The following NHSL1 variants were observed in gnomAD, a reference collection of about 807,000 sequenced individuals.
The protein encoded by NHSL1 is NHS-like protein 1.
Under a neutral mutation model 95.0 loss-of-function variants are expected in NHSL1, and 48 were observed. That is an observed-to-expected ratio of 0.51 (90% CI 0.40 to 0.64). The LOEUF (loss-of-function observed/expected upper bound fraction) is 0.64. NHSL1 is among the 30% of genes least tolerant of loss of function. The pLI, the probability that NHSL1 is intolerant of heterozygous loss-of-function variation, is 0.00. For missense variants in NHSL1, 1,971 were observed against 2,077.7 expected (o/e 0.95, Z 1.00); for synonymous variants, 783 against 833.9 (o/e 0.94, Z 1.05).
At chr6:138,506,014 A>G (rs1780946073) in intron 1 of NHSL1, among the ~76,000 whole-genome samples, 1 of 152,212 alleles carries the variant, frequency 6.6e-6, no homozygotes, top group Non-Finnish European at 1.5e-5. Flanking sequence ...CTATAGACAC[A>G]CCCATTCATT....
chr6:138,528,054 G>A (rs1046772715), intron 1 of NHSL1, among the ~76,000 whole-genome samples: 5 of 152,136 alleles, frequency 3.3e-5, no homozygotes, highest in Non-Finnish European at 5.9e-5. Context: ...TCCATATTTT[G>A]TAGTGTACTG....
intron 1 of NHSL1, among the ~76,000 whole-genome samples, chr6:138,620,278 T>C (rs1396112532): frequency 6.6e-6 from 1 of 152,108 alleles, no homozygotes; most frequent in Non-Finnish European, 1.5e-5. Flanking sequence ...CTGAAACAAT[T>C]TGTCAACAGA....
chr6:138,544,925 T>C (rs1782722673), intron 1 of NHSL1, among the ~76,000 whole-genome samples: 1 of 151,812 alleles, frequency 6.6e-6, no homozygotes. Context: ...CATCTTATAG[T>C]ACTTAGGAAG....
At chr6:138,569,308 A>T (rs1783737752) in intron 1 of NHSL1, among the ~76,000 whole-genome samples, 1 of 151,620 alleles carries the variant, frequency 6.6e-6, no homozygotes, top group African/African-American at 2.4e-5. Flanking sequence ...AGAGAAAAAG[A>T]GAGAGAGCGA....
At chr6:138,628,311 C>CA (rs929458331) in intron 1 of NHSL1, among the ~76,000 whole-genome samples, 102 of 111,402 alleles carry the variant, frequency 9.2e-4, no homozygotes, top group Middle Eastern at 0.011. Flanking sequence ...AACTCCATCT[C>CA]AAAAAAAAAA....
At chr6:138,663,992 T>C (rs537716112) in intron 1 of NHSL1, among the ~76,000 whole-genome samples, 50 of 152,358 alleles carry the variant, frequency 3.3e-4, no homozygotes, top group Non-Finnish European at 3.8e-4. Flanking sequence ...GAAATGTCTC[T>C]GAAATATTTT....
At chr6:138,671,106 G>T (rs1349225939) in intron 1 of NHSL1, among the ~76,000 whole-genome samples, 1 of 152,110 alleles carries the variant, frequency 6.6e-6, no homozygotes, top group Non-Finnish European at 1.5e-5. Flanking sequence ...AGTGCGCTAT[G>T]AACACGCCAC....
intron 1 of NHSL1, among the ~76,000 whole-genome samples, chr6:138,505,056 A>T (rs1216304597): frequency 6.6e-6 from 1 of 152,108 alleles, no homozygotes; most frequent in Non-Finnish European, 1.5e-5. Flanking sequence ...TATATGTCTA[A>T]ACCTAAAAGC....
chr6:138,615,250 G>T (rs149592518), intron 1 of NHSL1, among the ~76,000 whole-genome samples: 131 of 152,284 alleles, frequency 8.6e-4, no homozygotes, highest in African/African-American at 3.1e-3. Flanking sequence ...AAATTTTGTT[G>T]TTGCTTGTTC....
chr6:138,544,898 T>C (rs1314873275), intron 1 of NHSL1, among the ~76,000 whole-genome samples: 1 of 151,754 alleles, frequency 6.6e-6, no homozygotes, highest in Non-Finnish European at 1.5e-5. Flanking sequence ...AATGACGACA[T>C]ATACTCATAT....
chr6:138,489,825 GGAGA>G (rs1252989861), intron 2 of NHSL1, among the ~76,000 whole-genome samples: 5 of 76,210 alleles, frequency 6.6e-5, no homozygotes, highest in South Asian at 4.5e-4. Context: ...AGGGAGAGAG[GGAGA>G]GAGAGAGAGA....
upstream of NHSL1, among the ~76,000 whole-genome samples, chr6:138,502,190 T>C (rs559656701): frequency 1.5e-4 from 23 of 152,326 alleles, no homozygotes; most frequent in South Asian, 3.9e-3. Context: ...ATAAACCAAA[T>C]AAACTATCAC....
chr6:138,586,186 C>T (rs750108797), intron 1 of NHSL1, among the ~76,000 whole-genome samples: 3 of 151,946 alleles, frequency 2.0e-5, no homozygotes, highest in South Asian at 2.1e-4. Flanking sequence ...CCTCCACTAT[C>T]CAGGTTCAAG....
At chr6:138,454,183 A>ATG (rs1326113897) in intron 3 of NHSL1, among the ~76,000 whole-genome samples, 229 of 141,138 alleles carry the variant, frequency 1.6e-3, no homozygotes, top group African/African-American at 5.5e-3. Flanking sequence ...TCCTTGTTAT[A>ATG]TGTGTGCGTG....
chr6:138,451,890 A>G (rs569262263), intron 3 of NHSL1, among the ~76,000 whole-genome samples: 56 of 152,312 alleles, frequency 3.7e-4, no homozygotes, highest in Middle Eastern at 3.4e-3. Flanking sequence ...CTATACAAGT[A>G]AAAAAACAGT....
chr6:138,432,871 C>A lies in NHSL1; in HGVS notation c.1474G>T (p.Ala492Ser), dbSNP rs757529652. 5.2e-6 allele frequency: 8 copies of A among 1,551,332 alleles called. No individual in the cohort carries two copies. Among genetic ancestry groups the A allele is most frequent in the African/African-American group, 2.7e-5 (2 of 73,006 alleles). ...GCTGAGTCACAGAGGGACAACAGTG[C>A]GGGTTCACCAGGGGAATGAGGGTCT... The part of the protein sequence containing the change: ...DLDPHSPGEP[A>S]LLSLCDSAVP... The change falls in exon 6 of 8, where the codon GCA becomes TCA. Residue 492 changes from alanine to serine, a missense_variant. This residue lies in a region of NHSL1 where 1,602 missense variants were observed against 1,654.5 expected (regional missense o/e 0.97). Coordinates refer to ENST00000343505, the MANE Select transcript of NHSL1 (RefSeq NM_001144060.2). This position sits in a 1 kb window ranked among gnomAD's most constrained non-coding sequence, Gnocchi z 4.4.
intron 3 of NHSL1, among the ~76,000 whole-genome samples, chr6:138,454,882 C>A (rs1204500531): frequency 6.6e-6 from 1 of 152,222 alleles, no homozygotes; most frequent in Non-Finnish European, 1.5e-5. Flanking sequence ...GGCGCCTGAG[C>A]CTTTCCATGT....
At chr6:138,518,659 G>A (rs1341535250) in intron 1 of NHSL1, among the ~76,000 whole-genome samples, 2 of 151,998 alleles carry the variant, frequency 1.3e-5, no homozygotes, top group Non-Finnish European at 2.9e-5. Context: ...TACATACTAC[G>A]TTCTAATGGG....
At chr6:138,481,156 T>C (rs1256164612) in intron 2 of NHSL1, among the ~76,000 whole-genome samples, 1 of 152,200 alleles carries the variant, frequency 6.6e-6, no homozygotes, top group Non-Finnish European at 1.5e-5. Flanking sequence ...AAGTATTGTA[T>C]AGCTAAATAA....
Sources: allele counts gnomAD v4.1 joint callset (sites outside exome capture counted in the v4.1 genomes callset), GRCh38; gene constraint gnomAD v4.1.1; regional missense constraint gnomAD v4.1.1; non-coding constraint Gnocchi (gnomAD v3.1); transcripts MANE v1.5; gene names NCBI Gene and HGNC (gene_info 2026-07-23, HGNC 2026-07-21).